The following WDR64 variants were observed in gnomAD, a reference collection of about 807,000 sequenced individuals.
WDR64 encodes the protein WD repeat-containing protein 64.
In WDR64, 112 loss-of-function variants were observed where a neutral mutation model predicts 139.3. That is an observed-to-expected ratio of 0.80 (90% CI 0.69 to 0.94). The LOEUF is 0.94. Among genes scored for constraint, WDR64 ranks in the 40% least tolerant of loss-of-function variants. The probability of loss-of-function intolerance (pLI) is 0.00; values close to 1 mark genes in which losing one functional copy is unlikely to be tolerated. For synonymous variants in WDR64, 444 were observed against 437.7 expected, an observed-to-expected ratio of 1.01 and a Z score of -0.18; for missense variants, 1,206 against 1,293.1, an observed-to-expected ratio of 0.93 and a Z score of 1.03.
Position 241,735,533 on chromosome 1 carries a change from C to CCCTTTTTTTTTTTTTTTT in WDR64, c.1195-2830_1195-2829insCCTTTTTTTTTTTTTTTT, listed in dbSNP as rs1237771842. On this transcript the variant is annotated intron_variant, in intron 10 of 27. Transcript: ENST00000437684. ...GTTCTCTGTCTCTCTCTCTCTCTCT[C>CCCTTTTTTTTTTTTTTTT]TTTTTTTTTTTTTTTTTTTGATACG... Among the ~76,000 whole-genome samples, 568 of 103,458 alleles carry CCCTTTTTTTTTTTTTTTT rather than the reference C, an allele frequency of 5.5e-3. 25 individuals carry two copies. Among genetic ancestry groups the CCCTTTTTTTTTTTTTTTT allele is most frequent in the Middle Eastern group, 0.02 (3 of 152 alleles). 67.9% of individuals were successfully genotyped at this position (103,458 alleles called of 152,430 possible).
Position 241,747,163 on chromosome 1 carries a change from G to C in WDR64, c.1595-2384G>C, listed in dbSNP as rs111717225. Reference sequence around the variant, plus strand: ...TGATTACCAAATAGTGACGGCGGGGGTGGTGGTGACTATGAAGGTTAGCAC... The same window carrying C: ...TGATTACCAAATAGTGACGGCGGGGCTGGTGGTGACTATGAAGGTTAGCAC... On this transcript the variant is annotated intron_variant, in intron 13 of 27. Transcript: ENST00000437684. Among the ~76,000 whole-genome samples the C allele has an allele frequency of 1.5e-3, 221 of 152,320 alleles. 2 individuals carry two copies. Among genetic ancestry groups the C allele is most frequent in the African/African-American group, 5.1e-3 (211 of 41,570 alleles).
In WDR64 at chr1:241,679,511, T is replaced by C. The variant is rs2148098884; in HGVS notation, c.540T>C (p.Asp180=). The change falls in exon 6 of 28, where the codon GAT becomes GAC. Residue 180 remains aspartate (D), a synonymous_variant. Coordinates refer to ENST00000437684, the MANE Select transcript of WDR64 (RefSeq NM_001367482.1). ...VTDTSWITGC[D]YLLQLKRIVA... ...ACACCTCCTGGATTACAGGGTGTGA[T>C]TACCTCTTGCAGCTGAAACGAATCG... is the stretch of plus-strand genomic sequence containing the variant. The C allele has an allele frequency of 6.4e-7, 1 of 1,551,940 alleles. No homozygotes were observed. Among genetic ancestry groups the C allele is most frequent in the East Asian group, 2.4e-5 (1 of 40,910 alleles).
At chr1:241,682,917 G>A (rs1666864153) in intron 6 of WDR64, among the ~76,000 whole-genome samples, 1 of 152,180 alleles carries the variant, frequency 6.6e-6, no homozygotes, top group Non-Finnish European at 1.5e-5. Context: ...GCACACAGAA[G>A]GAAATATATA....
chr1:241,794,442 G>A (rs1006808193), intron 25 of WDR64, among the ~76,000 whole-genome samples: 1 of 147,572 alleles, frequency 6.8e-6, no homozygotes, highest in African/African-American at 2.5e-5. Flanking sequence ...GAAATCTTTA[G>A]AATGAGTTTT....
In WDR64 at chr1:241,719,072, GT is replaced by G. The variant is rs1229770784; in HGVS notation, c.1055-4218del. On this transcript the variant is annotated intron_variant, in intron 9 of 27. Coordinates refer to ENST00000437684, the MANE Select transcript of WDR64 (RefSeq NM_001367482.1). ...ATGGAAACCATCAGCTATGCAATGA[GT>G]TTTTTTCAGCCTGCCTTTAATAACA... Among the ~76,000 whole-genome samples the G allele has an allele frequency of 3.3e-5, 5 of 152,238 alleles. No homozygotes were observed. The East Asian group carries it at 9.6e-4, about 29-fold the overall frequency.
chr1:241,687,201 G>A (rs1667036792), intron 7 of WDR64, among the ~76,000 whole-genome samples: 1 of 151,882 alleles, frequency 6.6e-6, no homozygotes, highest in African/African-American at 2.4e-5. Context: ...TTACTCGGGA[G>A]GCTGAGGCAA....
chr1:241,687,267 G>A (rs1360513371), intron 7 of WDR64, among the ~76,000 whole-genome samples, 194 bp from the exon 8 acceptor site: 2 of 146,178 alleles, frequency 1.4e-5, no homozygotes, highest in Non-Finnish European at 3.0e-5. Flanking sequence ...TCGCACCACT[G>A]CACACTCCAG....
rs1377590292 is a variant in WDR64, at chr1:241,801,707, A to C, written c.*492A>C. On this transcript the variant is annotated 3_prime_UTR_variant, in exon 28 of 28. Coordinates refer to ENST00000437684, the MANE Select transcript of WDR64 (RefSeq NM_001367482.1). ...TTTAGAGAAATATTATCTGGAAGAA[A>C]ATGTCCTAAGTTTCTCAAAGTCAGA... The C allele has an allele frequency of 2.5e-6, 1 of 398,512 alleles. No individual in the cohort carries two copies. The highest frequency in any genetic ancestry group is 4.4e-6 in the Non-Finnish European group (1 of 226,128). The allele number at this position is 398,512 out of a possible 1,614,324, so 24.7% of individuals were successfully genotyped here.
At position 241,766,240 on chromosome 1, in the gene WDR64, G is replaced by A. The variant is rs12095445; in HGVS notation, c.1970G>A (p.Arg657Gln). 237,133 of 1,613,392 alleles carry A rather than the reference G, an allele frequency of 0.15. 19,486 individuals are homozygous for A. The highest frequency in any genetic ancestry group is 0.22 in the African/African-American group (16,248 of 74,940). ...CAGAATCCCACCATGGATTTATTAC[G>A]AGTGAACTGCATTGATTTACTACAA... ...PTDNPTMDLL[R>Q]VNCIDLLQVE... Residue 657 changes from arginine to glutamine, a missense_variant, in exon 16 of 28, where the codon CGA becomes CAA. Physicochemically the swap from Arg to Gln is conservative, Grantham distance 43. Transcript: ENST00000437684.
intron 8 of WDR64, among the ~76,000 whole-genome samples, chr1:241,691,850 C>T (rs1303897793): frequency 2.6e-5 from 4 of 151,816 alleles, no homozygotes; most frequent in Admixed American, 1.3e-4. Context: ...CCTGTCTCTA[C>T]AAAAATACAG....
chr1:241,718,022 C>A (rs1668467930), intron 9 of WDR64, among the ~76,000 whole-genome samples: 2 of 152,152 alleles, frequency 1.3e-5, no homozygotes, highest in African/African-American at 4.8e-5. Context: ...TGCAGAGAGG[C>A]AAAGCAACTT....
intron 22 of WDR64, among the ~76,000 whole-genome samples, chr1:241,782,356 G>A (rs1031517750): frequency 5.9e-5 from 9 of 152,182 alleles, no homozygotes; most frequent in Non-Finnish European, 1.2e-4. Context: ...AGGGAATTGA[G>A]TCAGAAGGCC....
chr1:241,776,995 T>A (rs12058955), intron 21 of WDR64, among the ~76,000 whole-genome samples: 24,455 of 152,180 alleles, frequency 0.16, 2,233 homozygotes, highest in African/African-American at 0.21. Flanking sequence ...TTCCTTTTTC[T>A]CTGCCTCAGT....
intron 1 of WDR64, among the ~76,000 whole-genome samples, chr1:241,657,513 G>C (rs72768054): frequency 0.046 from 6,993 of 152,156 alleles, 218 homozygotes; most frequent in Non-Finnish European, 0.069. Context: ...TGACCTTCTT[G>C]GAACATGCCA....
chr1:241,662,292 T>C (rs1360680708), intron 2 of WDR64, among the ~76,000 whole-genome samples: 1 of 152,122 alleles, frequency 6.6e-6, no homozygotes, highest in Non-Finnish European at 1.5e-5. Context: ...AAAGCTGCAA[T>C]CAAGGTGTTG....
chr1:241,727,592 G>A (rs1002007853), intron 10 of WDR64, among the ~76,000 whole-genome samples: 1 of 152,170 alleles, frequency 6.6e-6, no homozygotes, highest in Non-Finnish European at 1.5e-5. Flanking sequence ...TATTGTGTTA[G>A]ATACTGTTCT....
chr1:241,675,162 A>T (rs188709626), intron 4 of WDR64, among the ~76,000 whole-genome samples: 5 of 6,304 alleles, frequency 7.9e-4, no homozygotes, highest in Non-Finnish European at 1.1e-3. Context: ...CTTCTTCCCT[A>T]CCTCCCACCC....
intron 6 of WDR64, among the ~76,000 whole-genome samples, chr1:241,681,150 G>C (rs1351787188): frequency 6.6e-6 from 1 of 151,902 alleles, no homozygotes; most frequent in Non-Finnish European, 1.5e-5. Context: ...GGTTTGGGGG[G>C]AACAGGTGGT....
intron 10 of WDR64, among the ~76,000 whole-genome samples, chr1:241,732,871 T>C (rs1669140993): frequency 6.6e-6 from 1 of 151,976 alleles, no homozygotes; most frequent in Non-Finnish European, 1.5e-5. Context: ...AGATACTTTA[T>C]TAATACATTT....
Sources: allele counts gnomAD v4.1 joint callset (sites outside exome capture counted in the v4.1 genomes callset), GRCh38; gene constraint gnomAD v4.1.1; transcripts MANE v1.5; gene names NCBI Gene and HGNC (gene_info 2026-07-23, HGNC 2026-07-21).